Variants in MYH15 observed in about 807,000 individuals in gnomAD.
MYH15 encodes myosin heavy chain 15.
A neutral mutation model predicts 240.5 loss-of-function variants in MYH15; 227 were observed. The ratio of observed to expected loss-of-function variants is 0.94; its 90% CI spans 0.85 to 1.05. The LOEUF (loss-of-function observed/expected upper bound fraction) is 1.05. MYH15 is among the 50% of genes least tolerant of loss of function. The probability of loss-of-function intolerance (pLI) is 0.00; values close to 1 mark genes in which losing one functional copy is unlikely to be tolerated. For missense variants in MYH15, 2,217 were observed against 2,247.5 expected (o/e 0.99, Z 0.27); for synonymous variants, 785 against 796.7 (o/e 0.99, Z 0.25).
At chr3:108,414,093 C>T in intron 30 of MYH15, 139 bp downstream of exon 30, 6 of 786,654 alleles carry the variant, frequency 7.6e-6, no homozygotes, top group Non-Finnish European at 1.0e-5. Context: ...GTGCACGTTT[C>T]AGCTTTGGTT....
chr3:108,513,959 C>A (rs2924709), upstream of MYH15, among the ~76,000 whole-genome samples: 151,830 of 152,284 alleles, frequency 1, 75,689 homozygotes, highest in Middle Eastern at 1. Flanking sequence ...ATAAGCCATC[C>A]GTATCCTGTT....
At chr3:108,471,714 T>C (rs1208696190) in intron 12 of MYH15, among the ~76,000 whole-genome samples, 1 of 152,178 alleles carries the variant, frequency 6.6e-6, no homozygotes, top group East Asian at 1.9e-4. Flanking sequence ...CTTATCCTTG[T>C]TTTACTTGCA....
intron 15 of MYH15, 40 bp downstream of exon 15, chr3:108,464,598 G>A (rs1185775676): frequency 2.6e-6 from 4 of 1,550,634 alleles, no homozygotes; most frequent in Non-Finnish European, 2.6e-6. Flanking sequence ...TTGAAACAAA[G>A]TCAGGAAAAT....
chr3:108,533,807 G>C (rs1206689305), upstream of MYH15, among the ~76,000 whole-genome samples: 2 of 152,148 alleles, frequency 1.3e-5, no homozygotes, highest in African/African-American at 2.4e-5. Flanking sequence ...AATGGAATCT[G>C]GACATACAAC....
At chr3:108,471,224 C>A (rs1168282127) in intron 12 of MYH15, among the ~76,000 whole-genome samples, 1 of 151,970 alleles carries the variant, frequency 6.6e-6, no homozygotes, top group Admixed American at 6.6e-5. Context: ...AATCATGTTC[C>A]TATTATTAAA....
rs1042573765 is a variant in MYH15 at position 108,469,753 on chromosome 3, A to G, written c.1554+289T>C. 7.2e-5 allele frequency among the ~76,000 whole-genome samples: 11 copies of G among 152,210 alleles called. 1 individual carries two copies. Among genetic ancestry groups the G allele is most frequent in the African/African-American group, 2.4e-4 (10 of 41,450 alleles). On this transcript the variant is annotated intron_variant, in intron 14 of 40. Coordinates refer to ENST00000693548, the MANE Select transcript of MYH15 (RefSeq NM_014981.3). ...TGTTTTTCCAGTCAAGAGCATGACC[A>G]TTTTTAAACTCAACAAGTTTCCGCT...
At chr3:108,441,556 C>T (rs1361220965) in intron 22 of MYH15, among the ~76,000 whole-genome samples, 2 of 152,080 alleles carry the variant, frequency 1.3e-5, no homozygotes, top group South Asian at 2.1e-4. Context: ...TAGCATGCCT[C>T]CAAAAATCAG....
chr3:108,395,034 C>T (rs1376349850), intron 35 of MYH15, among the ~76,000 whole-genome samples: 3 of 152,074 alleles, frequency 2.0e-5, no homozygotes, highest in Admixed American at 6.5e-5. Context: ...GGGAGGCTGA[C>T]GGGGGTGAAT....
intron 1 of MYH15, among the ~76,000 whole-genome samples, chr3:108,528,859 T>C (rs1050146842): frequency 2.0e-5 from 3 of 152,126 alleles, no homozygotes; most frequent in Non-Finnish European, 4.4e-5. Flanking sequence ...AGTAAATAAT[T>C]AGAATTCAGG....
rs200291167 is a variant in MYH15 at position 108,500,139 on chromosome 3, C to T, written c.475G>A (p.Ala159Thr). Residue 159 changes from alanine to threonine, a missense_variant, in exon 4 of 41, where the codon GCC becomes ACC. Physicochemically the swap from Ala to Thr is moderately conservative, Grantham distance 58. Coordinates refer to ENST00000693548, the MANE Select transcript of MYH15 (RefSeq NM_014981.3). ...TCACTGTGAAGCATGTCCTGAAAGG[C>T]GTTATTGGCAACAGCAAAGATGTGA... ...PPHIFAVANN[A>T]FQDMLHNREN... 9 of 1,613,572 alleles carry T rather than the reference C, an allele frequency of 5.6e-6. No homozygotes were observed. The highest frequency in any genetic ancestry group is 1.1e-5 in the South Asian group (1 of 91,050).
At chr3:108,444,033 A>T (rs868211359) in intron 22 of MYH15, among the ~76,000 whole-genome samples, 1 of 144,944 alleles carries the variant, frequency 6.9e-6, no homozygotes. Flanking sequence ...GCATTAGGAG[A>T]TATACCTAAT....
At chr3:108,462,445 G>T (rs966863248) in intron 16 of MYH15, among the ~76,000 whole-genome samples, 1 of 151,776 alleles carries the variant, frequency 6.6e-6, no homozygotes, top group Non-Finnish European at 1.5e-5. Flanking sequence ...CTCTATATTT[G>T]TTCCTGTGAG....
At chr3:108,494,164 C>T (rs903508462) in intron 7 of MYH15, among the ~76,000 whole-genome samples, 3 of 152,148 alleles carry the variant, frequency 2.0e-5, no homozygotes, top group Admixed American at 1.3e-4. Flanking sequence ...GGCAAGAAGA[C>T]GTGAGTGGCT....
At chr3:108,493,544 G>T (rs762494818) in intron 7 of MYH15, among the ~76,000 whole-genome samples, 1 of 152,102 alleles carries the variant, frequency 6.6e-6, no homozygotes, top group Non-Finnish European at 1.5e-5. Context: ...CAGCATATTT[G>T]TTTATTCATG....
intron 11 of MYH15, among the ~76,000 whole-genome samples, chr3:108,477,052 CA>C (rs2083227853): frequency 1.3e-5 from 2 of 152,062 alleles, no homozygotes; most frequent in African/African-American, 4.8e-5. Context: ...TCACAATAGT[CA>C]AAAGGTGGGA....
chr3:108,448,394 T>C (rs2082946039), intron 21 of MYH15, among the ~76,000 whole-genome samples: 1 of 151,830 alleles, frequency 6.6e-6, no homozygotes, highest in Non-Finnish European at 1.5e-5. Flanking sequence ...AGGTTGAAAG[T>C]GAGAAATGGA....
chr3:108,453,924 A>G (rs769431400), intron 21 of MYH15, 82 bp downstream of exon 21: 3 of 1,403,194 alleles, frequency 2.1e-6, no homozygotes, highest in African/African-American at 1.4e-5. Flanking sequence ...CTCTTGACCT[A>G]CTATAAGGCA....
upstream of MYH15, among the ~76,000 whole-genome samples, chr3:108,531,553 C>G (rs998569820): frequency 5.9e-5 from 9 of 151,996 alleles, no homozygotes; most frequent in Non-Finnish European, 8.8e-5. Context: ...AAAGTAAAGG[C>G]AGATCACGAG....
intron 28 of MYH15, among the ~76,000 whole-genome samples, chr3:108,417,814 C>A (rs1442981393): frequency 6.6e-6 from 1 of 151,886 alleles, no homozygotes. Context: ...CACACACACA[C>A]ACACACACAC....
Sources: gnomAD v4.1 joint callset for allele counts (sites outside exome capture counted in the v4.1 genomes callset) on GRCh38, gnomAD v4.1.1 for gene constraint, MANE v1.5 for transcripts, NCBI Gene and HGNC (gene_info 2026-07-23, HGNC 2026-07-21) for gene names.